The following SRGAP3 variants were observed in gnomAD, a reference collection of about 807,000 sequenced individuals.
The protein encoded by SRGAP3 is SLIT-ROBO Rho GTPase-activating protein 3.
In SRGAP3, 39 loss-of-function variants were observed where a neutral mutation model predicts 121.1. The ratio of observed to expected loss-of-function variants is 0.32; its 90% CI spans 0.25 to 0.42. The LOEUF (loss-of-function observed/expected upper bound fraction) is 0.42, where lower values mean the gene tolerates loss of function less well. SRGAP3 is among the 10% of genes least tolerant of loss of function. The probability of loss-of-function intolerance (pLI) is 1.00; values close to 1 mark genes in which losing one functional copy is unlikely to be tolerated. For synonymous variants in SRGAP3, 601 were observed against 570.0 expected (o/e 1.05, Z -0.77); for missense variants, 1,213 against 1,470.6 (o/e 0.82, Z 2.86).
At chr3:9,127,386 G>A (rs145786006) in intron 1 of SRGAP3, among the ~76,000 whole-genome samples, 1 of 152,274 alleles carries the variant, frequency 6.6e-6, no homozygotes, top group African/African-American at 2.4e-5. Context: ...CACCACCAAT[G>A]GGCTTGTTAG....
chr3:9,077,352 C>T (rs549662725), intron 4 of SRGAP3, among the ~76,000 whole-genome samples: 1 of 152,274 alleles, frequency 6.6e-6, no homozygotes, highest in South Asian at 2.1e-4. Flanking sequence ...TCTGGGCCCA[C>T]AGCATGTGGC....
At chr3:9,230,651 G>A (rs1195359582) in intron 1 of SRGAP3, among the ~76,000 whole-genome samples, 2 of 152,182 alleles carry the variant, frequency 1.3e-5, no homozygotes, top group African/African-American at 4.8e-5. Flanking sequence ...CAGGAGGATC[G>A]CTTGTGCCTA....
chr3:9,140,627 C>G (rs1041911495), intron 1 of SRGAP3, among the ~76,000 whole-genome samples: 1 of 152,206 alleles, frequency 6.6e-6, no homozygotes, highest in African/African-American at 2.4e-5. Context: ...ACTACTCAAC[C>G]CTATCGTTAC....
At chr3:9,229,435 G>C (rs2125216913) in intron 1 of SRGAP3, among the ~76,000 whole-genome samples, 1 of 152,294 alleles carries the variant, frequency 6.6e-6, no homozygotes, top group African/African-American at 2.4e-5. Context: ...ATAGAGCTGA[G>C]ATTCAGGTGT....
intron 1 of SRGAP3, among the ~76,000 whole-genome samples, chr3:9,245,436 T>C (rs1238670682): frequency 6.6e-6 from 1 of 151,852 alleles, no homozygotes; most frequent in South Asian, 2.1e-4. Flanking sequence ...CAGAGGAGAG[T>C]GGAGATGGTA....
intron 3 of SRGAP3, among the ~76,000 whole-genome samples, chr3:9,317,172 A>G (rs1325437190): frequency 6.6e-6 from 1 of 152,214 alleles, no homozygotes; most frequent in Admixed American, 6.5e-5. Context: ...AGAGCCAGTG[A>G]AAAGCGCCTT....
chr3:9,280,710 G>C (rs1954659835), intron 3 of SRGAP3, among the ~76,000 whole-genome samples: 1 of 152,180 alleles, frequency 6.6e-6, no homozygotes, highest in Non-Finnish European at 1.5e-5. Context: ...GGATATGACA[G>C]TACCCACTCG....
intron 1 of SRGAP3, among the ~76,000 whole-genome samples, chr3:9,207,422 C>T: frequency 6.6e-6 from 1 of 152,176 alleles, no homozygotes; most frequent in East Asian, 1.9e-4. Flanking sequence ...ATCTCAAGTG[C>T]TTTAGCTGCA....
intron 1 of SRGAP3, among the ~76,000 whole-genome samples, chr3:9,204,874 G>T (rs917921474): frequency 2.6e-5 from 4 of 152,240 alleles, no homozygotes; most frequent in Admixed American, 1.3e-4. Flanking sequence ...GCTGAAAACC[G>T]CCCTTTGTGG....
chr3:9,099,422 A>C (rs746512642), intron 3 of SRGAP3, among the ~76,000 whole-genome samples: 1 of 152,238 alleles, frequency 6.6e-6, no homozygotes, highest in East Asian at 1.9e-4. Flanking sequence ...AGCTGAAGAA[A>C]ACAGAATGAG....
At chr3:9,148,167 CAGG>C (rs1230366406) in intron 1 of SRGAP3, among the ~76,000 whole-genome samples, 6 of 152,028 alleles carry the variant, frequency 3.9e-5, no homozygotes, top group Admixed American at 2.0e-4. Context: ...GAAGGAGGAG[CAGG>C]AGGAGGAGGA....
chr3:9,288,120 TTCTA>T (rs934694938), intron 3 of SRGAP3, among the ~76,000 whole-genome samples: 2 of 148,764 alleles, frequency 1.3e-5, no homozygotes, highest in African/African-American at 4.9e-5. Context: ...AATTGTTTCA[TTCTA>T]TCTTTGTTTT....
chr3:9,270,835 A>T (rs186992546), intron 3 of SRGAP3, among the ~76,000 whole-genome samples: 5 of 151,878 alleles, frequency 3.3e-5, no homozygotes, highest in Admixed American at 3.3e-4. Flanking sequence ...ATTCCTGTTT[A>T]TGCTTCTGGT....
intron 4 of SRGAP3, among the ~76,000 whole-genome samples, 191 bp downstream of exon 4, chr3:9,079,834 C>G (rs1056944275): frequency 6.6e-6 from 1 of 152,218 alleles, no homozygotes; most frequent in Non-Finnish European, 1.5e-5. Flanking sequence ...AGGCCCTGCC[C>G]CAGATGTACA....
intron 1 of SRGAP3, among the ~76,000 whole-genome samples, chr3:9,157,620 T>C (rs1012146679): frequency 7.2e-5 from 11 of 152,188 alleles, no homozygotes; most frequent in Admixed American, 2.0e-4. Context: ...AGGCCCACAG[T>C]TGGTAACGGC....
intron 3 of SRGAP3, among the ~76,000 whole-genome samples, chr3:9,085,947 G>A (rs542731064): frequency 1.3e-5 from 2 of 152,218 alleles, no homozygotes; most frequent in South Asian, 4.2e-4. Flanking sequence ...TGTACATCCT[G>A]TACATGTACC....
intron 1 of SRGAP3, among the ~76,000 whole-genome samples, chr3:9,248,344 C>T (rs1039400572): frequency 1.3e-5 from 2 of 152,188 alleles, no homozygotes; most frequent in African/African-American, 4.8e-5. Flanking sequence ...GCAACCCAGG[C>T]CAGCCCAGAG....
intron 1 of SRGAP3, among the ~76,000 whole-genome samples, chr3:9,131,913 T>A (rs546759711): frequency 6.6e-6 from 1 of 152,188 alleles, no homozygotes; most frequent in East Asian, 1.9e-4. Flanking sequence ...ACACTCCTGC[T>A]CACTCTCCAA....
intron 10 of SRGAP3, among the ~76,000 whole-genome samples, chr3:9,044,342 G>C (rs1181064647): frequency 6.6e-6 from 1 of 152,162 alleles, no homozygotes; most frequent in East Asian, 1.9e-4. Flanking sequence ...GCTACTAAGT[G>C]GCCAGTGGGC....
Sources: allele counts gnomAD v4.1 joint callset (sites outside exome capture counted in the v4.1 genomes callset), GRCh38; gene constraint gnomAD v4.1.1; transcripts MANE v1.5; gene names NCBI Gene and HGNC (gene_info 2026-07-23, HGNC 2026-07-21).